The following CDC42BPA variants were observed in gnomAD, a reference collection of about 807,000 sequenced individuals.
CDC42BPA encodes the protein serine/threonine-protein kinase MRCK alpha.
A neutral mutation model predicts 223.5 loss-of-function variants in CDC42BPA; 80 were observed. The observed-to-expected ratio is 0.36, with a 90% CI of 0.30 to 0.43. The LOEUF (loss-of-function observed/expected upper bound fraction) is 0.43. Among genes scored for constraint, CDC42BPA ranks in the 20% least tolerant of loss-of-function variants. The pLI is 1.00. For synonymous variants in CDC42BPA, 694 were observed against 718.6 expected, an observed-to-expected ratio of 0.97 and a Z score of 0.55; for missense variants, 1,743 against 2,099.9, an observed-to-expected ratio of 0.83 and a Z score of 3.32.
intron 1 of CDC42BPA, among the ~76,000 whole-genome samples, chr1:227,294,435 G>A (rs1041468174): frequency 3.3e-5 from 5 of 151,862 alleles, no homozygotes; most frequent in African/African-American, 1.2e-4. Flanking sequence ...ATTCATTGAG[G>A]GCCAGGAATT....
At chr1:227,193,188 C>G (rs1298392915) in intron 5 of CDC42BPA, among the ~76,000 whole-genome samples, 2 of 150,768 alleles carry the variant, frequency 1.3e-5, no homozygotes, top group Non-Finnish European at 3.0e-5. Flanking sequence ...CCTGCCTCAG[C>G]CTCTCCGAGT....
At chr1:227,190,923 T>C (rs1352309845) in intron 5 of CDC42BPA, among the ~76,000 whole-genome samples, 2 of 152,106 alleles carry the variant, frequency 1.3e-5, no homozygotes, top group Non-Finnish European at 2.9e-5. Flanking sequence ...ATACAAATTG[T>C]TATAACAGAG....
intron 14 of CDC42BPA, among the ~76,000 whole-genome samples, chr1:227,104,325 A>G (rs189556511): frequency 2.9e-4 from 44 of 152,290 alleles, no homozygotes; most frequent in African/African-American, 1.0e-3. Context: ...TGTTTTTGGC[A>G]ATTATAATAC....
In CDC42BPA at chr1:227,006,948, C is replaced by CACAACA. The variant is rs1558265968; in HGVS notation, c.4858-1838_4858-1837insTGTTGT. Among the ~76,000 whole-genome samples, 21 of 101,456 alleles carry CACAACA rather than the reference C, an allele frequency of 2.1e-4. No homozygotes were observed. The South Asian group carries it at 5.5e-3, about 27-fold the overall frequency. 66.6% of individuals were successfully genotyped at this position (101,456 alleles called of 152,430 possible). ...CTCACTCTGCAGAGTGAGACTCCGT[C>CACAACA]TCAACAACAACAACAACAACAACAA... is the stretch of plus-strand genomic sequence containing the variant. On this transcript the variant is annotated intron_variant, in intron 34 of 36. Transcript: ENST00000366766.
intron 23 of CDC42BPA, among the ~76,000 whole-genome samples, chr1:227,040,570 T>TAA (rs1671171131): frequency 6.6e-6 from 1 of 152,186 alleles, no homozygotes; most frequent in African/African-American, 2.4e-5. Context: ...GTTCAGCAAA[T>TAA]AGTTAAGTAA....
intron 3 of CDC42BPA, among the ~76,000 whole-genome samples, chr1:227,212,091 T>G (rs926674724): frequency 1.5e-4 from 23 of 151,984 alleles, no homozygotes; most frequent in Non-Finnish European, 2.9e-4. Flanking sequence ...TTTGTTTGTT[T>G]GTTTTTTTTA....
chr1:226,999,896 C>A (rs1203784541), intron 35 of CDC42BPA, among the ~76,000 whole-genome samples: 1 of 120,452 alleles, frequency 8.3e-6, no homozygotes, highest in Non-Finnish European at 1.6e-5. Flanking sequence ...GGGAGTTGAA[C>A]AATGAGAATA....
chr1:227,105,536 T>C (rs568154429), intron 14 of CDC42BPA, among the ~76,000 whole-genome samples: 21 of 152,010 alleles, frequency 1.4e-4, no homozygotes, highest in Admixed American at 7.2e-4. Flanking sequence ...TAATTTTCTG[T>C]AGAGATGGGG....
intron 5 of CDC42BPA, among the ~76,000 whole-genome samples, chr1:227,187,145 C>T (rs1668905758): frequency 6.6e-6 from 1 of 152,000 alleles, no homozygotes; most frequent in Non-Finnish European, 1.5e-5. Flanking sequence ...TGTCTTTCAA[C>T]AAAAAATTAC....
chr1:227,276,704 A>T (rs1413326960), intron 1 of CDC42BPA, among the ~76,000 whole-genome samples: 1 of 152,224 alleles, frequency 6.6e-6, no homozygotes, highest in East Asian at 1.9e-4. Context: ...AAGTGGACAT[A>T]GGAGACTCCA....
chr1:227,239,994 A>C (rs1180806348), intron 2 of CDC42BPA, among the ~76,000 whole-genome samples: 3 of 152,158 alleles, frequency 2.0e-5, no homozygotes, highest in African/African-American at 7.2e-5. Flanking sequence ...AAATCCTATT[A>C]TCAGACAGCA....
chr1:227,072,276 T>C lies in CDC42BPA; in HGVS notation c.2759A>G (p.Lys920Arg), dbSNP rs1191648702. Residue 920 changes from lysine to arginine, a missense_variant, in exon 20 of 37, where the codon AAG becomes AGG. Physicochemically the swap from Lys to Arg is conservative, Grantham distance 26. Coordinates refer to ENST00000366766, the MANE Select transcript of CDC42BPA (RefSeq NM_001394014.1). ...TECKLKDSEKKNLELLSEIEQ... is the reference protein window; with the variant it reads ...TECKLKDSEKRNLELLSEIEQ... ...GATTTCTGAGAGTAGTTCCAAGTTCTTCTTCTCTGAATCTTTTAGTTTACT... is the reference window on the plus strand; with the variant it reads ...GATTTCTGAGAGTAGTTCCAAGTTCCTCTTCTCTGAATCTTTTAGTTTACT... The C allele has an allele frequency of 1.9e-6, 3 of 1,601,856 alleles. No homozygotes were observed. Among genetic ancestry groups the C allele is most frequent in the Non-Finnish European group, 1.7e-6 (2 of 1,169,562 alleles).
chr1:227,144,932 G>GT (rs1218972611), intron 8 of CDC42BPA, among the ~76,000 whole-genome samples: 1 of 152,180 alleles, frequency 6.6e-6, no homozygotes, highest in Non-Finnish European at 1.5e-5. Flanking sequence ...TCTGCCCTCT[G>GT]TATCAGCAAA....
At chr1:227,227,209 AAAAG>A (rs1409312436) in intron 2 of CDC42BPA, among the ~76,000 whole-genome samples, 1 of 152,160 alleles carries the variant, frequency 6.6e-6, no homozygotes, top group African/African-American at 2.4e-5. Context: ...TTTTTCAAGA[AAAAG>A]AAAGAAAAAA....
chr1:227,015,548 C>T (rs374237826), intron 34 of CDC42BPA, among the ~76,000 whole-genome samples: 1 of 152,332 alleles, frequency 6.6e-6, no homozygotes. Context: ...AGCCACTACA[C>T]CTGGCCTATG....
At chr1:227,198,228 A>C (rs1296275196) in intron 4 of CDC42BPA, among the ~76,000 whole-genome samples, 3 of 151,928 alleles carry the variant, frequency 2.0e-5, no homozygotes, top group Non-Finnish European at 4.4e-5. Flanking sequence ...AGCTGAGAGG[A>C]TCACTTGAAG....
intron 35 of CDC42BPA, among the ~76,000 whole-genome samples, chr1:226,995,700 T>G (rs1343715037): frequency 6.6e-6 from 1 of 152,156 alleles, no homozygotes; most frequent in Non-Finnish European, 1.5e-5. Context: ...CCAGCAGCAT[T>G]CACAGGAAGA....
intron 2 of CDC42BPA, among the ~76,000 whole-genome samples, chr1:227,231,145 C>A (rs1677865444): frequency 8.3e-6 from 1 of 120,632 alleles, no homozygotes; most frequent in South Asian, 3.5e-4. Context: ...CTCCCCCCAC[C>A]CCACGACAGG....
At chr1:227,058,543 C>T (rs947049225) in intron 21 of CDC42BPA, among the ~76,000 whole-genome samples, 22 of 152,046 alleles carry the variant, frequency 1.4e-4, no homozygotes, top group African/African-American at 5.1e-4. Flanking sequence ...TATGAAAATC[C>T]CAACACTGTC....
Sources: allele counts gnomAD v4.1 joint callset (sites outside exome capture counted in the v4.1 genomes callset), GRCh38; gene constraint gnomAD v4.1.1; transcripts MANE v1.5; gene names NCBI Gene and HGNC (gene_info 2026-07-23, HGNC 2026-07-21).